Variants in EBF2 observed in about 807,000 individuals in gnomAD.
The protein encoded by EBF2 is EBF transcription factor 2.
Under a neutral mutation model 72.8 loss-of-function variants are expected in EBF2, and 21 were observed. The observed-to-expected ratio is 0.29, with a 90% CI of 0.20 to 0.42. The LOEUF (loss-of-function observed/expected upper bound fraction) is 0.42, where lower values mean the gene tolerates loss of function less well. Among genes scored for constraint, EBF2 ranks in the 10% least tolerant of loss-of-function variants. EBF2 has a pLI of 1.00. For synonymous variants in EBF2, 299 were observed against 274.2 expected (o/e 1.09, Z -0.89); for missense variants, 637 against 731.2 (o/e 0.87, Z 1.49).
At chr8:25,978,697 A>G (rs1450086518) in intron 6 of EBF2, among the ~76,000 whole-genome samples, 1 of 152,204 alleles carries the variant, frequency 6.6e-6, no homozygotes, top group Non-Finnish European at 1.5e-5. Context: ...CCGCCATGGC[A>G]TGTGCTTTGC....
intron 5 of EBF2, 136 bp from the exon 6 acceptor site, chr8:26,033,289 C>T (rs932604460): frequency 4.2e-5 from 33 of 784,624 alleles, no homozygotes; most frequent in Non-Finnish European, 5.9e-5. Flanking sequence ...TGGCTTGATG[C>T]CTCCTTCTTG....
chr8:26,033,538 A>G (rs945298161), intron 5 of EBF2, among the ~76,000 whole-genome samples: 18 of 152,164 alleles, frequency 1.2e-4, no homozygotes, highest in Non-Finnish European at 2.2e-4. Flanking sequence ...CCACAAGAAC[A>G]TTCACCTTCG....
intron 6 of EBF2, among the ~76,000 whole-genome samples, chr8:25,969,419 C>T (rs1303922634): frequency 1.3e-5 from 2 of 152,180 alleles, no homozygotes; most frequent in African/African-American, 2.4e-5. Flanking sequence ...CCAGGTTTCT[C>T]CTGTGCTTTT....
chr8:25,981,640 T>G (rs1309884033), intron 6 of EBF2, among the ~76,000 whole-genome samples: 1 of 151,702 alleles, frequency 6.6e-6, no homozygotes, highest in African/African-American at 2.4e-5. Context: ...TACTAAAAAT[T>G]CAAAAATTAG....
chr8:25,888,442 G>A (rs1802727734), intron 8 of EBF2, among the ~76,000 whole-genome samples: 1 of 152,144 alleles, frequency 6.6e-6, no homozygotes. Flanking sequence ...TGTGCAAAGG[G>A]TGTTTGAAAA....
rs776735788 is a variant in EBF2 at position 26,042,269 on chromosome 8, C to CG, written c.132-19dup. ...CGACCCCGCTGCACAGGGAGAAAAACGGGGGAACACAAGACACGGGGAAGC... is the reference window on the plus strand; with the variant it reads ...CGACCCCGCTGCACAGGGAGAAAAACGGGGGGAACACAAGACACGGGGAAGC... On this transcript the variant is annotated intron_variant, in intron 1 of 15. Transcript: ENST00000520164. The CG allele has an allele frequency of 6.2e-7, 1 of 1,605,568 alleles. No individual in the cohort carries two copies. The highest frequency in any genetic ancestry group is 1.1e-5 in the South Asian group (1 of 90,336).
intron 6 of EBF2, among the ~76,000 whole-genome samples, chr8:25,978,676 A>G (rs1180580152): frequency 2.6e-5 from 4 of 152,160 alleles, no homozygotes; most frequent in Non-Finnish European, 5.9e-5. Flanking sequence ...GGACCCCCAC[A>G]ACACTCAACC....
At chr8:25,871,146 C>T (rs1281751399) in intron 10 of EBF2, among the ~76,000 whole-genome samples, 3 of 152,124 alleles carry the variant, frequency 2.0e-5, no homozygotes, top group Non-Finnish European at 4.4e-5. Flanking sequence ...TCAGCTTCAC[C>T]TTGAATCCCA....
rs1259124389 is a variant in EBF2 at position 25,853,033 on chromosome 8, G to C, written c.1529-2272C>G. The stretch of plus-strand genomic sequence containing the variant: ...ATGGGAATTAATACTTAATAAAGGT[G>C]ACATTTCATATTAGTAGGAAAATAA... On this transcript the variant is annotated intron_variant, in intron 14 of 15. Coordinates refer to ENST00000520164, the MANE Select transcript of EBF2 (RefSeq NM_022659.4). 2.0e-5 allele frequency among the ~76,000 whole-genome samples: 3 copies of C among 152,218 alleles called. No homozygotes were observed. The East Asian group carries it at 5.8e-4, about 29-fold the overall frequency.
chr8:25,908,197 T>G (rs1803070660), intron 7 of EBF2, among the ~76,000 whole-genome samples: 1 of 152,188 alleles, frequency 6.6e-6, no homozygotes, highest in South Asian at 2.1e-4. Context: ...GGCAGCTGTG[T>G]GTGCAGTGGG....
intron 7 of EBF2, among the ~76,000 whole-genome samples, chr8:25,905,695 G>A (rs1803021588): frequency 6.6e-6 from 1 of 152,094 alleles, no homozygotes; most frequent in South Asian, 2.1e-4. Context: ...ACAGGAACTG[G>A]GAGACATGAG....
rs570189439 is a variant in EBF2 at position 25,865,751 on chromosome 8, C to T, written c.1010-2954G>A. On this transcript the variant is annotated intron_variant, in intron 10 of 15. Transcript: ENST00000520164. ...TATAAAAGATCTTAACCAGGCCAGG[C>T]GCAGTGACTCATGCCTGTAATCCCA... Among the ~76,000 whole-genome samples, 49 of 150,830 alleles carry T rather than the reference C, an allele frequency of 3.2e-4. No individual in the cohort carries two copies. In the East Asian group the frequency reaches 5.8e-3, roughly 18 times the overall value.
intron 10 of EBF2, among the ~76,000 whole-genome samples, chr8:25,867,307 C>A (rs930467902): frequency 1.3e-5 from 2 of 152,180 alleles, no homozygotes; most frequent in Non-Finnish European, 2.9e-5. Flanking sequence ...ATAGCATGGA[C>A]AGTAGCTCTT....
At chr8:25,969,021 T>C (rs963727483) in intron 6 of EBF2, among the ~76,000 whole-genome samples, 1 of 151,900 alleles carries the variant, frequency 6.6e-6, no homozygotes, top group Non-Finnish European at 1.5e-5. Flanking sequence ...TAAAAAAAAA[T>C]TTTGATTGAA....
chr8:26,025,269 A>C (rs6982044), intron 6 of EBF2, among the ~76,000 whole-genome samples: 147,337 of 152,172 alleles, frequency 0.97, 71,339 homozygotes, highest in East Asian at 1. Context: ...GTCTTCGGAG[A>C]GCTTTTTGTA....
chr8:25,938,088 C>CAGGG (rs1366248486), intron 6 of EBF2, among the ~76,000 whole-genome samples: 1 of 152,034 alleles, frequency 6.6e-6, no homozygotes, highest in African/African-American at 2.4e-5. Flanking sequence ...ATATTTTGAG[C>CAGGG]AGGGTGGGCT....
chr8:26,044,659 G>T lies in EBF2; in HGVS notation c.131+70C>A. ...GAGAGAAAGGCACGGGGTGCGCGGGGGGGGTGCACACGGAGAGACAGACCG... is the reference window on the plus strand; with the variant it reads ...GAGAGAAAGGCACGGGGTGCGCGGGTGGGGTGCACACGGAGAGACAGACCG... On this transcript the variant is annotated intron_variant, in intron 1 of 15. Coordinates refer to ENST00000520164, the MANE Select transcript of EBF2 (RefSeq NM_022659.4). The surrounding 1 kb of genome is among the most constrained non-coding windows in gnomAD (Gnocchi z 4.1). 1.3e-6 allele frequency: 2 copies of T among 1,562,172 alleles called. No homozygotes were observed. The highest frequency in any genetic ancestry group is 8.7e-7 in the Non-Finnish European group (1 of 1,147,964).
chr8:26,024,895 A>C (rs765328585), intron 6 of EBF2, among the ~76,000 whole-genome samples: 12 of 152,336 alleles, frequency 7.9e-5, no homozygotes, highest in South Asian at 2.1e-4. Flanking sequence ...TTTAAATGCC[A>C]TGTGATGTCT....
In EBF2 at chr8:25,887,823, G is replaced by T; in HGVS notation, c.882+19C>A. The T allele has an allele frequency of 6.3e-7, 1 of 1,575,860 alleles. No individual in the cohort carries two copies. On this transcript the variant is annotated intron_variant, in intron 9 of 15. Transcript: ENST00000520164. ...TTTGGGCAAAAGGAAATCAGAGTAA[G>T]CCTGTTGCCTCTGCTTACCTCGCTC... is the stretch of plus-strand genomic sequence containing the variant.
Sources: gnomAD v4.1 joint callset for allele counts (sites outside exome capture counted in the v4.1 genomes callset) on GRCh38, gnomAD v4.1.1 for gene constraint, Gnocchi (gnomAD v3.1) non-coding constraint, MANE v1.5 for transcripts, NCBI Gene and HGNC (gene_info 2026-07-23, HGNC 2026-07-21) for gene names.